ANKFN1: variants seen among roughly 807,000 people sequenced by gnomAD.
ANKFN1 encodes the protein ankyrin repeat and fibronectin type-III domain-containing protein 1.
Under a neutral mutation model 108.7 loss-of-function variants are expected in ANKFN1, and 74 were observed. The observed-to-expected ratio is 0.68, with a 90% CI of 0.56 to 0.83. ANKFN1 has a LOEUF of 0.83. ANKFN1 is among the 40% of genes least tolerant of loss of function. The pLI is 0.00. For missense variants in ANKFN1, 1,505 were observed against 1,382.3 expected (o/e 1.09, Z -1.41); for synonymous variants, 547 against 516.2 (o/e 1.06, Z -0.81).
chr17:56,346,548 T>TTGC (rs1426355978), intron 4 of ANKFN1, among the ~76,000 whole-genome samples: 1 of 152,016 alleles, frequency 6.6e-6, no homozygotes. Context: ...GCCACAAAGC[T>TTGC]TGCTGTTCTT....
chr17:56,055,719 C>A (rs1904865036), intron 4 of ANKFN1, among the ~76,000 whole-genome samples: 1 of 150,178 alleles, frequency 6.7e-6, no homozygotes, highest in African/African-American at 2.5e-5. Context: ...ATATTGATTT[C>A]TCTTTCTTTG....
At chr17:56,407,068 G>A (rs1418522468) in intron 8 of ANKFN1, among the ~76,000 whole-genome samples, 2 of 152,080 alleles carry the variant, frequency 1.3e-5, no homozygotes, top group African/African-American at 4.8e-5. Context: ...GTAGCTCAGG[G>A]GTTCCAAAAA....
At chr17:56,395,815 C>T (rs1368323945) in intron 8 of ANKFN1, among the ~76,000 whole-genome samples, 3 of 152,106 alleles carry the variant, frequency 2.0e-5, no homozygotes, top group Non-Finnish European at 4.4e-5. Flanking sequence ...CTCCACTGCA[C>T]TCCAGCCTGG....
chr17:56,139,812 G>A (rs992745379), intron 4 of ANKFN1, among the ~76,000 whole-genome samples: 2 of 151,930 alleles, frequency 1.3e-5, no homozygotes, highest in Non-Finnish European at 2.9e-5. Context: ...CAACTTTTTT[G>A]TATCATCGTC....
At chr17:56,440,155 CTAAAT>C (rs1159402680) in intron 8 of ANKFN1, among the ~76,000 whole-genome samples, 167 bp from the exon 9 acceptor site, 2 of 152,068 alleles carry the variant, frequency 1.3e-5, no homozygotes, top group Non-Finnish European at 2.9e-5. Flanking sequence ...AACTTGGAAA[CTAAAT>C]TAACATCTCA....
intron 3 of ANKFN1, among the ~76,000 whole-genome samples, chr17:56,274,348 C>T (rs986387129): frequency 6.6e-6 from 1 of 152,126 alleles, no homozygotes; most frequent in Non-Finnish European, 1.5e-5. Flanking sequence ...TGGCGGGCGC[C>T]TGTAGTCCCA....
intron 4 of ANKFN1, among the ~76,000 whole-genome samples, chr17:56,070,748 T>C (rs184592423): frequency 4.1e-4 from 62 of 151,880 alleles, no homozygotes; most frequent in African/African-American, 1.4e-3. Flanking sequence ...TTTTTTCTTT[T>C]TTTTTTTGAG....
chr17:56,313,715 C>A (rs953190477), intron 3 of ANKFN1, among the ~76,000 whole-genome samples: 8 of 152,206 alleles, frequency 5.3e-5, no homozygotes, highest in African/African-American at 1.9e-4. Flanking sequence ...ACATTTGCTT[C>A]AAATCTCATC....
At chr17:56,153,977 G>A (rs1280412238) in intron 1 of ANKFN1, among the ~76,000 whole-genome samples, 1 of 151,970 alleles carries the variant, frequency 6.6e-6, no homozygotes, top group Non-Finnish European at 1.5e-5. Flanking sequence ...ACTTTTTATG[G>A]ACTTTATTGT....
At chr17:56,398,845 T>C (rs979021578) in intron 8 of ANKFN1, among the ~76,000 whole-genome samples, 2 of 152,054 alleles carry the variant, frequency 1.3e-5, no homozygotes, top group African/African-American at 4.8e-5. Context: ...ACAAAACAAA[T>C]GAGATAATAT....
chr17:56,190,643 A>C (rs1347464301), intron 1 of ANKFN1, among the ~76,000 whole-genome samples: 1 of 82,144 alleles, frequency 1.2e-5, no homozygotes, highest in Non-Finnish European at 2.2e-5. Context: ...GTATGTGGTC[A>C]ATTTTGGAAT....
intron 8 of ANKFN1, among the ~76,000 whole-genome samples, chr17:56,434,912 A>G (rs368176920): frequency 1.7e-4 from 26 of 152,240 alleles, no homozygotes; most frequent in Non-Finnish European, 3.4e-4. Flanking sequence ...AATTCCGTTC[A>G]TTAGCTAAGG....
intron 3 of ANKFN1, among the ~76,000 whole-genome samples, chr17:56,310,910 C>T (rs1387383440): frequency 1.3e-5 from 2 of 152,144 alleles, no homozygotes; most frequent in Admixed American, 6.5e-5. Flanking sequence ...CATTGACCAA[C>T]GTCTCCCCAT....
intron 4 of ANKFN1, among the ~76,000 whole-genome samples, chr17:56,048,848 C>A (rs1904725362): frequency 6.6e-6 from 1 of 152,174 alleles, no homozygotes; most frequent in African/African-American, 2.4e-5. Context: ...ACAGAGCCAG[C>A]ATAGAGCTAA....
chr17:56,111,168 TCTTC>T, intron 4 of ANKFN1: 1 of 152,746 alleles, frequency 6.5e-6, no homozygotes, highest in Non-Finnish European at 1.5e-5. Flanking sequence ...AAATCCATTT[TCTTC>T]CTTCCTTTAA....
At chr17:56,235,563 T>G (rs1917066402) in intron 3 of ANKFN1, among the ~76,000 whole-genome samples, 1 of 152,210 alleles carries the variant, frequency 6.6e-6, no homozygotes, top group Non-Finnish European at 1.5e-5. Context: ...GTTTCAATCT[T>G]CTGCATATGG....
chr17:56,491,821 G>A (rs1438014001), intron 18 of ANKFN1, among the ~76,000 whole-genome samples: 1 of 152,120 alleles, frequency 6.6e-6, no homozygotes, highest in Admixed American at 6.5e-5. Flanking sequence ...ATTGCTACTT[G>A]GCTTTTTTTC....
chr17:56,226,533 G>T (rs1916288081), intron 2 of ANKFN1, among the ~76,000 whole-genome samples: 1 of 152,162 alleles, frequency 6.6e-6, no homozygotes, highest in Non-Finnish European at 1.5e-5. Flanking sequence ...GAAAATTGGA[G>T]AAAAGCAATC....
At chr17:56,193,004 A>C (rs1216011693) in intron 1 of ANKFN1, among the ~76,000 whole-genome samples, 1 of 138,500 alleles carries the variant, frequency 7.2e-6, no homozygotes, top group Non-Finnish European at 1.5e-5. Context: ...AACCAACCCA[A>C]ATGTCCAAAA....
Sources: gnomAD v4.1 joint callset for allele counts (sites outside exome capture counted in the v4.1 genomes callset) on GRCh38, gnomAD v4.1.1 for gene constraint, MANE v1.5 for transcripts, NCBI Gene and HGNC (gene_info 2026-07-23, HGNC 2026-07-21) for gene names.